The following ADAMTS9 variants were observed in gnomAD, a reference collection of about 807,000 sequenced individuals.
ADAMTS9 encodes the protein A disintegrin and metalloproteinase with thrombospondin motifs 9.
In ADAMTS9, 107 loss-of-function variants were observed where a neutral mutation model predicts 257.1. That is an observed-to-expected ratio of 0.42 (90% confidence interval 0.36 to 0.49). The LOEUF (loss-of-function observed/expected upper bound fraction) is 0.49. Ranked by LOEUF, ADAMTS9 falls within the 20% of genes least tolerant of loss-of-function variation. ADAMTS9 has a pLI of 0.03. For missense variants in ADAMTS9, 2,353 were observed against 2,469.1 expected (o/e 0.95, Z 1.00); for synonymous variants, 982 against 880.9 (o/e 1.11, Z -2.03).
In ADAMTS9 at chr3:64,622,335, G is replaced by A; in HGVS notation, c.2557-8C>T. ...CTTTCCCACCGACAAAACCTAGAAT[G>A]TGTGGACAAAACAGAAACGAACTGG... On this transcript the variant is annotated splice_polypyrimidine_tract_variant and splice_region_variant and intron_variant, in intron 17 of 39. Transcript: ENST00000498707. 6.2e-7 allele frequency: 1 copy of A among 1,613,588 alleles called. No individual in the cohort carries two copies. Among genetic ancestry groups the A allele is most frequent in the African/African-American group, 1.3e-5 (1 of 74,944 alleles).
chr3:64,613,236 G>T, intron 22 of ADAMTS9, 109 bp downstream of exon 22: 1 of 1,354,448 alleles, frequency 7.4e-7, no homozygotes, highest in Non-Finnish European at 1.0e-6. Context: ...TGTCCTGCAT[G>T]CCACCCGGCA....
At chr3:64,595,664 T>C (rs949027453) in intron 27 of ADAMTS9, among the ~76,000 whole-genome samples, 2 of 152,330 alleles carry the variant, frequency 1.3e-5, no homozygotes, top group African/African-American at 2.4e-5. Context: ...TAACTGTCAA[T>C]GAAAGTCAAC....
intron 11 of ADAMTS9, among the ~76,000 whole-genome samples, chr3:64,642,626 TAAAAC>T (rs1212823830): frequency 6.6e-6 from 1 of 151,880 alleles, no homozygotes; most frequent in African/African-American, 2.4e-5. Flanking sequence ...AAAATAATAA[TAAAAC>T]AAAATAAAAC....
intron 28 of ADAMTS9, among the ~76,000 whole-genome samples, chr3:64,574,897 C>G (rs1467701321): frequency 6.6e-6 from 1 of 152,188 alleles, no homozygotes; most frequent in African/African-American, 2.4e-5. Flanking sequence ...TTGCCTGATT[C>G]CTCAGTCTCC....
intron 3 of ADAMTS9, among the ~76,000 whole-genome samples, chr3:64,660,004 A>G (rs59092086): frequency 0.022 from 3,334 of 152,276 alleles, 119 homozygotes; most frequent in African/African-American, 0.075. Context: ...TGAAGTTTAT[A>G]TTACTGATGA....
chr3:64,583,431 G>A (rs1434880875), intron 28 of ADAMTS9: 3 of 152,202 alleles, frequency 2.0e-5, no homozygotes, highest in African/African-American at 7.2e-5. Flanking sequence ...ATAGCTGCGG[G>A]ACTTGCAACT....
intron 32 of ADAMTS9, among the ~76,000 whole-genome samples, chr3:64,546,093 T>C (rs2083194518): frequency 6.6e-6 from 1 of 152,256 alleles, no homozygotes; most frequent in Non-Finnish European, 1.5e-5. Flanking sequence ...GTAACTCTTA[T>C]GAGTATCAGA....
chr3:64,613,232 G>C (rs1026003561), intron 22 of ADAMTS9, 113 bp downstream of exon 22: 27 of 1,303,942 alleles, frequency 2.1e-5, no homozygotes, highest in Non-Finnish European at 2.8e-5. Context: ...GAGGTGTCCT[G>C]CATGCCACCC....
intron 28 of ADAMTS9, among the ~76,000 whole-genome samples, chr3:64,586,431 A>G (rs746396423): frequency 9.2e-5 from 14 of 152,172 alleles, no homozygotes; most frequent in Non-Finnish European, 1.8e-4. Context: ...AAAATGGCTT[A>G]GGGAGAATCA....
At chr3:64,587,479 G>T (rs1559778924) in intron 28 of ADAMTS9, 1 of 152,188 alleles carries the variant, frequency 6.6e-6, no homozygotes, top group Non-Finnish European at 1.5e-5. Flanking sequence ...TAAAAATGCA[G>T]TTTCCTTGTC....
At chr3:64,542,766 A>G (rs190379326) in intron 32 of ADAMTS9, among the ~76,000 whole-genome samples, 504 of 152,342 alleles carry the variant, frequency 3.3e-3, no homozygotes, top group African/African-American at 0.011. Context: ...AACTAAGATC[A>G]GAGCAGAACT....
At chr3:64,658,055 A>G (rs1559815064) in intron 4 of ADAMTS9, among the ~76,000 whole-genome samples, 2 of 152,166 alleles carry the variant, frequency 1.3e-5, no homozygotes, top group African/African-American at 2.4e-5. Context: ...CTGAATATCC[A>G]CAACTGGCTG....
In ADAMTS9 at chr3:64,522,149, G is replaced by A; in HGVS notation, c.*5+17C>T. ...TAAAAGACAAATACACAGACAGACA[G>A]ACATAGGACTACTTACCTTAGCTAT... is the stretch of plus-strand genomic sequence containing the variant. On this transcript the variant is annotated intron_variant, in intron 39 of 39. Coordinates refer to ENST00000498707, the MANE Select transcript of ADAMTS9 (RefSeq NM_182920.2). 6.2e-7 allele frequency: 1 copy of A among 1,604,802 alleles called. No individual in the cohort carries two copies. The highest frequency in any genetic ancestry group is 1.3e-5 in the African/African-American group (1 of 74,832).
Position 64,617,338 on chromosome 3 carries a change from C to T in ADAMTS9, c.2814-1168G>A, listed in dbSNP as rs183077624. On this transcript the variant is annotated intron_variant, in intron 19 of 39. Coordinates refer to ENST00000498707, the MANE Select transcript of ADAMTS9 (RefSeq NM_182920.2). ...GAAGAAGGAAGGTGTCCTGCCTCCA[C>T]AAGAAAACATGCCAGCAGCTTAGCA... 2.6e-4 allele frequency among the ~76,000 whole-genome samples: 39 copies of T among 152,240 alleles called. No individual in the cohort carries two copies. The East Asian group carries it at 7.3e-3, about 29-fold the overall frequency.
At chr3:64,665,318 G>A (rs1226729168) in intron 3 of ADAMTS9, among the ~76,000 whole-genome samples, 1 of 152,158 alleles carries the variant, frequency 6.6e-6, no homozygotes, top group Non-Finnish European at 1.5e-5. Context: ...AAGAACTCAT[G>A]CAATGAAGGG....
chr3:64,643,797 T>C (rs76342800), intron 11 of ADAMTS9, among the ~76,000 whole-genome samples: 1 of 151,940 alleles, frequency 6.6e-6, no homozygotes, highest in African/African-American at 2.4e-5. Flanking sequence ...TTTTTTTTTT[T>C]CATACTAAGT....
intron 37 of ADAMTS9, among the ~76,000 whole-genome samples, chr3:64,534,879 A>G (rs1044288092): frequency 6.6e-6 from 1 of 152,126 alleles, no homozygotes; most frequent in Non-Finnish European, 1.5e-5. Flanking sequence ...CTCCAGCCCG[A>G]AAAGTGCTGA....
At chr3:64,559,982 G>A (rs2083392466) in intron 30 of ADAMTS9, among the ~76,000 whole-genome samples, 1 of 152,192 alleles carries the variant, frequency 6.6e-6, no homozygotes, top group African/African-American at 2.4e-5. Flanking sequence ...CACTGAGGGG[G>A]AGAGCGAGAG....
At position 64,619,156 on chromosome 3, in the gene ADAMTS9, C is replaced by T. The variant is rs539368422; in HGVS notation, c.2813+1958G>A. Among the ~76,000 whole-genome samples, 7 of 152,186 alleles carry T rather than the reference C, an allele frequency of 4.6e-5. No individual in the cohort carries two copies. The East Asian group carries it at 7.7e-4, about 17-fold the overall frequency. The stretch of plus-strand genomic sequence containing the variant: ...GCTATGTATAAATCCACCATCTGTG[C>T]GATCATAGGAGCATACTTAGCACTG... On this transcript the variant is annotated intron_variant, in intron 19 of 39. Transcript: ENST00000498707.
Sources: gnomAD v4.1 joint callset for allele counts (sites outside exome capture counted in the v4.1 genomes callset) on GRCh38, gnomAD v4.1.1 for gene constraint, MANE v1.5 for transcripts, NCBI Gene and HGNC (gene_info 2026-07-23, HGNC 2026-07-21) for gene names.